The following LPP variants were observed in gnomAD, a reference collection of about 807,000 sequenced individuals.
LPP encodes LIM domain containing preferred translocation partner in lipoma, also known as lipoma-preferred partner.
In LPP, 38 loss-of-function variants were observed where a neutral mutation model predicts 60.4. That is an observed-to-expected ratio of 0.63 (90% CI 0.49 to 0.83). The LOEUF is 0.83. Among genes scored for constraint, LPP ranks in the 40% least tolerant of loss-of-function variants. The pLI is 0.00. For missense variants in LPP, 902 were observed against 783.6 expected (o/e 1.15, Z -1.80); for synonymous variants, 328 against 290.8 (o/e 1.13, Z -1.30).
intron 2 of LPP, among the ~76,000 whole-genome samples, chr3:188,241,180 G>A (rs528823376): frequency 6.6e-6 from 1 of 152,210 alleles, no homozygotes; most frequent in Admixed American, 6.5e-5. Flanking sequence ...GCAGAAGGTG[G>A]TGGGTATGGA....
chr3:188,808,600 G>T (rs984876399), intron 9 of LPP, among the ~76,000 whole-genome samples: 3 of 152,150 alleles, frequency 2.0e-5, no homozygotes, highest in African/African-American at 7.2e-5. Flanking sequence ...CTTTCCCAGA[G>T]CTGCTGCTGT....
intron 2 of LPP, among the ~76,000 whole-genome samples, chr3:188,264,130 TG>T (rs1341400395): frequency 6.6e-6 from 1 of 152,116 alleles, no homozygotes; most frequent in African/African-American, 2.4e-5. Flanking sequence ...TATAAACAGC[TG>T]GAGAGTAGGA....
intron 2 of LPP, among the ~76,000 whole-genome samples, chr3:188,238,927 A>G (rs1446839494): frequency 6.6e-6 from 1 of 152,272 alleles, no homozygotes; most frequent in African/African-American, 2.4e-5. Flanking sequence ...CAATAAAGTG[A>G]AGTGCAATAA....
chr3:188,635,889 A>G (rs562689672), intron 7 of LPP, among the ~76,000 whole-genome samples: 1 of 152,302 alleles, frequency 6.6e-6, no homozygotes. Flanking sequence ...AGATTACTGG[A>G]AAAAGGACTA....
Position 188,684,676 on chromosome 3 carries a change from G to A in LPP, c.1114-23591G>A, listed in dbSNP as rs1860277496. Reference sequence around the variant, plus strand: ...ATATGCCATTACCAGAAATTTTTATGTAAATACATATTTTATTCCCTGAGG... The same window carrying A: ...ATATGCCATTACCAGAAATTTTTATATAAATACATATTTTATTCCCTGAGG... On this transcript the variant is annotated intron_variant, in intron 7 of 11. Coordinates refer to ENST00000617246, the MANE Select transcript of LPP (RefSeq NM_001375462.1). Among the ~76,000 whole-genome samples, 4 of 151,430 alleles carry A rather than the reference G, an allele frequency of 2.6e-5. No homozygotes were observed. In the South Asian group the frequency reaches 8.4e-4, roughly 32 times the overall value.
chr3:188,727,037 G>A (rs1183823743), intron 8 of LPP, among the ~76,000 whole-genome samples: 2 of 152,116 alleles, frequency 1.3e-5, no homozygotes, highest in East Asian at 3.9e-4. Flanking sequence ...GTTATTCAAG[G>A]ACACACAGGT....
chr3:188,787,506 A>C (rs1056872951), intron 9 of LPP, among the ~76,000 whole-genome samples: 1 of 151,986 alleles, frequency 6.6e-6, no homozygotes, highest in African/African-American at 2.4e-5. Flanking sequence ...TTCAGTTTCT[A>C]TCCCCACCTC....
At chr3:188,793,919 T>G (rs1176824417) in intron 9 of LPP, among the ~76,000 whole-genome samples, 1 of 151,946 alleles carries the variant, frequency 6.6e-6, no homozygotes, top group African/African-American at 2.4e-5. Context: ...TGCCTTAGTT[T>G]CCCTCCAGCC....
intron 4 of LPP, among the ~76,000 whole-genome samples, chr3:188,427,597 G>T: frequency 6.6e-6 from 1 of 152,112 alleles, no homozygotes; most frequent in Non-Finnish European, 1.5e-5. Flanking sequence ...CTTTCTTTCA[G>T]AGATGCCCTG....
intron 6 of LPP, among the ~76,000 whole-genome samples, chr3:188,526,631 A>C (rs75519630): frequency 0.13 from 19,494 of 152,148 alleles, 1,502 homozygotes; most frequent in South Asian, 0.18. Context: ...TTTTCTTAAC[A>C]TATAATGGAA....
intron 2 of LPP, among the ~76,000 whole-genome samples, chr3:188,318,896 C>T (rs1756052053): frequency 6.7e-6 from 1 of 149,880 alleles, no homozygotes; most frequent in African/African-American, 2.5e-5. Flanking sequence ...GTAGCTGGGA[C>T]TACAGGCGCG....
intron 9 of LPP, among the ~76,000 whole-genome samples, chr3:188,812,421 T>C (rs1751254544): frequency 6.6e-6 from 1 of 152,142 alleles, no homozygotes; most frequent in Admixed American, 6.6e-5. Context: ...TACCCAATGT[T>C]TTAATGATGA....
intron 9 of LPP, among the ~76,000 whole-genome samples, chr3:188,783,918 C>A (rs1314398293): frequency 6.6e-6 from 1 of 151,966 alleles, no homozygotes. Context: ...CCCCAGCCTC[C>A]CGATTTTGTT....
chr3:188,601,122 A>G (rs1454057369), intron 6 of LPP, among the ~76,000 whole-genome samples: 1 of 152,118 alleles, frequency 6.6e-6, no homozygotes, highest in Admixed American at 6.6e-5. Flanking sequence ...TTAGGTATCT[A>G]CCCAGAAGTT....
chr3:188,575,208 T>G (rs1206001870), intron 6 of LPP, among the ~76,000 whole-genome samples: 1 of 152,138 alleles, frequency 6.6e-6, no homozygotes, highest in African/African-American at 2.4e-5. Flanking sequence ...TACAAGCCAT[T>G]TTGTGCTCTT....
At chr3:188,788,181 G>A (rs1742537743) in intron 9 of LPP, among the ~76,000 whole-genome samples, 1 of 152,116 alleles carries the variant, frequency 6.6e-6, no homozygotes, top group Non-Finnish European at 1.5e-5. Context: ...TTCCTTCAGT[G>A]TTTTCTAGTG....
chr3:188,408,905 C>T (rs1784288301), intron 4 of LPP, among the ~76,000 whole-genome samples: 4 of 152,076 alleles, frequency 2.6e-5, no homozygotes, highest in African/African-American at 7.2e-5. Context: ...TGGCAGCAAA[C>T]CCCATATTAC....
At chr3:188,205,006 C>G (rs1031198366) in intron 1 of LPP, among the ~76,000 whole-genome samples, 6 of 152,132 alleles carry the variant, frequency 3.9e-5, no homozygotes, top group African/African-American at 1.4e-4. Context: ...GGAAAGAAAC[C>G]AGTACCTGCT....
intron 7 of LPP, among the ~76,000 whole-genome samples, chr3:188,611,679 G>T (rs1843744255): frequency 6.6e-6 from 1 of 152,232 alleles, no homozygotes; most frequent in Non-Finnish European, 1.5e-5. Context: ...TGTCTGCCTT[G>T]TTGGAGGATT....
Sources: gnomAD v4.1 joint callset for allele counts (sites outside exome capture counted in the v4.1 genomes callset) on GRCh38, gnomAD v4.1.1 for gene constraint, MANE v1.5 for transcripts, NCBI Gene and HGNC (gene_info 2026-07-23, HGNC 2026-07-21) for gene names.